Variants in DHRSX observed in about 807,000 individuals in gnomAD.
The protein encoded by DHRSX is dehydrogenase/reductase X-linked, also known as polyprenol dehydrogenase.
Under a neutral mutation model 34.0 loss-of-function variants are expected in DHRSX, and 31 were observed. The observed-to-expected ratio is 0.91, with a 90% confidence interval of 0.69 to 1.23. The LOEUF is 1.23. DHRSX is among the 50% of genes most tolerant of loss of function. The probability of loss-of-function intolerance (pLI) is 0.00; values close to 1 mark genes in which losing one functional copy is unlikely to be tolerated. For missense variants in DHRSX, 414 were observed against 428.1 expected (o/e 0.97, Z 0.29); for synonymous variants, 201 against 183.8 (o/e 1.09, Z -0.76).
At chrX:2,308,079 T>C (rs2042121565) in intron 3 of DHRSX, among the ~76,000 whole-genome samples, 1 of 152,098 alleles carries the variant, frequency 6.6e-6, no homozygotes, top group Non-Finnish European at 1.5e-5. Flanking sequence ...ATTTAGATAA[T>C]TTAGAGAAAT....
At chrX:2,282,924 A>G (rs1433385124) in intron 4 of DHRSX, among the ~76,000 whole-genome samples, 2 of 151,132 alleles carry the variant, frequency 1.3e-5, no homozygotes, top group Non-Finnish European at 3.0e-5. Flanking sequence ...AAATAGTAGA[A>G]GCGGGGATGG....
At chrX:2,328,086 A>AAAAAAAAAG (rs1211866075) in intron 3 of DHRSX, among the ~76,000 whole-genome samples, 1 of 151,424 alleles carries the variant, frequency 6.6e-6, no homozygotes. Context: ...TCTCAAAAAA[A>AAAAAAAAAG]AAAAGAGGAG....
chrX:2,330,606 A>AGAAGGAGAAGGAGGAGGAGAGAAAGG, intron 3 of DHRSX, among the ~76,000 whole-genome samples: 1 of 146,382 alleles, frequency 6.8e-6, no homozygotes, highest in African/African-American at 2.6e-5. Context: ...AAGGAAAGGG[A>AGAAGGAGAAGGAGGAGGAGAGAAAGG]GAAGGAGAAG....
intron 3 of DHRSX, among the ~76,000 whole-genome samples, chrX:2,306,576 C>T (rs2042099409): frequency 6.6e-6 from 1 of 151,902 alleles, no homozygotes; most frequent in African/African-American, 2.4e-5. Flanking sequence ...ATTCAGCCTC[C>T]CAAGTAGCTG....
intron 3 of DHRSX, among the ~76,000 whole-genome samples, chrX:2,301,543 A>T (rs2042009362): frequency 1.3e-5 from 2 of 152,190 alleles, no homozygotes; most frequent in South Asian, 4.1e-4. Context: ...CAGAGATGAG[A>T]GGGATGGGCC....
intron 3 of DHRSX, among the ~76,000 whole-genome samples, chrX:2,389,143 G>A (rs1433393542): frequency 6.6e-6 from 1 of 152,204 alleles, no homozygotes; most frequent in East Asian, 1.9e-4. Context: ...GTCTCTGGCA[G>A]TCACGCTTCT....
intron 3 of DHRSX, among the ~76,000 whole-genome samples, chrX:2,323,107 T>G (rs997124333): frequency 2.0e-5 from 3 of 152,028 alleles, no homozygotes; most frequent in Non-Finnish European, 4.4e-5. Flanking sequence ...GTCAACTGTA[T>G]TTTCTTGCAA....
chrX:2,358,835 G>C (rs777146151), intron 3 of DHRSX, among the ~76,000 whole-genome samples: 240 of 152,020 alleles, frequency 1.6e-3, no homozygotes, highest in Non-Finnish European at 2.8e-3. Flanking sequence ...AAAAACCAAA[G>C]CTACTTGCGA....
chrX:2,349,987 C>A (rs1184443277), intron 3 of DHRSX, among the ~76,000 whole-genome samples: 2 of 148,102 alleles, frequency 1.4e-5, no homozygotes, highest in African/African-American at 2.5e-5. Context: ...TGCAGTAAGC[C>A]GAGATCGCGC....
At chrX:2,382,286 A>G (rs1343864897) in intron 3 of DHRSX, among the ~76,000 whole-genome samples, 2 of 152,104 alleles carry the variant, frequency 1.3e-5, no homozygotes, top group Non-Finnish European at 2.9e-5. Flanking sequence ...AGGGTGTCAG[A>G]CTTGGCCAAC....
intron 4 of DHRSX, among the ~76,000 whole-genome samples, chrX:2,269,934 T>C (rs1291376984): frequency 6.6e-6 from 1 of 152,188 alleles, no homozygotes; most frequent in African/African-American, 2.4e-5. Context: ...ATAGCGTACA[T>C]CTTTTTCTAT....
intron 1 of DHRSX, among the ~76,000 whole-genome samples, chrX:2,439,237 T>C (rs2044034532): frequency 6.6e-6 from 1 of 150,828 alleles, no homozygotes; most frequent in Non-Finnish European, 1.5e-5. Context: ...ATTTAAGAGG[T>C]CATTCATTTC....
At chrX:2,498,420 C>T (rs1009711000) in intron 1 of DHRSX, among the ~76,000 whole-genome samples, 7 of 152,196 alleles carry the variant, frequency 4.6e-5, no homozygotes, top group African/African-American at 1.7e-4. Context: ...CCAAGGACAA[C>T]AGCATTCCTC....
At chrX:2,250,341 T>C (rs986460475) in intron 5 of DHRSX, among the ~76,000 whole-genome samples, 13 of 151,980 alleles carry the variant, frequency 8.6e-5, no homozygotes, top group African/African-American at 2.9e-4. Context: ...AGTGGGTCCA[T>C]AGAGTAAAGT....
At chrX:2,483,766 G>A (rs1377231655) in intron 1 of DHRSX, among the ~76,000 whole-genome samples, 2 of 131,476 alleles carry the variant, frequency 1.5e-5, no homozygotes, top group African/African-American at 2.8e-5. Flanking sequence ...TTGGTGCCTC[G>A]AGAAAAAAAA....
chrX:2,346,559 C>A (rs189913158), intron 3 of DHRSX, among the ~76,000 whole-genome samples: 1 of 152,092 alleles, frequency 6.6e-6, no homozygotes. Flanking sequence ...ATAGCTTCTT[C>A]TCACAGCAAA....
intron 1 of DHRSX, among the ~76,000 whole-genome samples, chrX:2,439,280 A>C (rs2044034932): frequency 6.6e-6 from 1 of 152,152 alleles, no homozygotes; most frequent in Non-Finnish European, 1.5e-5. Flanking sequence ...ATTGGACTGC[A>C]GAGGAAAGAG....
intron 2 of DHRSX, among the ~76,000 whole-genome samples, chrX:2,410,824 T>C (rs755690128): frequency 1.1e-4 from 16 of 152,318 alleles, no homozygotes; most frequent in African/African-American, 3.8e-4. Flanking sequence ...GTCCATCCTT[T>C]GGGGCAGAGT....
intron 6 of DHRSX, among the ~76,000 whole-genome samples, chrX:2,224,959 CAT>C (rs1233494287): frequency 5.2e-5 from 2 of 38,214 alleles, no homozygotes; most frequent in African/African-American, 5.0e-4. Context: ...AGCTCACACA[CAT>C]GCTCACATTC....
Sources: allele counts gnomAD v4.1 joint callset (sites outside exome capture counted in the v4.1 genomes callset), GRCh38; gene constraint gnomAD v4.1.1; transcripts MANE v1.5; gene names NCBI Gene and HGNC (gene_info 2026-07-23, HGNC 2026-07-21).